Variants in SLC36A4 observed in about 807,000 individuals in gnomAD.
SLC36A4 encodes the protein solute carrier family 36 member 4.
A neutral mutation model predicts 50.5 loss-of-function variants in SLC36A4; 49 were observed. That is an observed-to-expected ratio of 0.97 (90% CI 0.77 to 1.23). SLC36A4 has a LOEUF of 1.23. Among genes scored for constraint, SLC36A4 ranks in the 50% most tolerant of loss-of-function variants. The probability of loss-of-function intolerance (pLI) is 0.00; values close to 1 mark genes in which losing one functional copy is unlikely to be tolerated. For synonymous variants in SLC36A4, 207 were observed against 206.5 expected (o/e 1.00, Z -0.02); for missense variants, 611 against 608.4 (o/e 1.00, Z -0.05).
chr11:93,167,202 G>A (rs1489192959), intron 7 of SLC36A4: 1 of 152,054 alleles, frequency 6.6e-6, no homozygotes, highest in African/African-American at 2.4e-5. Context: ...AATTGCTAAT[G>A]AAGATTTTAC....
chr11:93,144,459 T>C lies in SLC36A4; in HGVS notation c.*4078A>G, dbSNP rs1486008285. 6.6e-6 allele frequency: 1 copy of C among 152,056 alleles called. No individual in the cohort carries two copies. The highest frequency in any genetic ancestry group is 1.5e-5 in the Non-Finnish European group (1 of 67,976). 9.4% of individuals were successfully genotyped at this position (152,056 alleles called of 1,614,324 possible). A position where few individuals can be genotyped will look rare whatever the true frequency, so the allele number is the denominator to read the frequency against. ...TTTCTGGACCCAATTTAAATAGTAA[T>C]TTAGTATTAGTATCTAGTTCACATA... On this transcript the variant is annotated 3_prime_UTR_variant, in exon 11 of 11. Coordinates refer to ENST00000326402, the MANE Select transcript of SLC36A4 (RefSeq NM_152313.4).
At chr11:93,188,400 A>G (rs1456371271) in intron 1 of SLC36A4, among the ~76,000 whole-genome samples, 1 of 152,214 alleles carries the variant, frequency 6.6e-6, no homozygotes, top group Non-Finnish European at 1.5e-5. Context: ...TCTTCTTCTA[A>G]TAACGTAACT....
chr11:93,173,226 T>C (rs1236578362), intron 6 of SLC36A4, among the ~76,000 whole-genome samples: 1 of 150,350 alleles, frequency 6.7e-6, no homozygotes, highest in South Asian at 2.1e-4. Flanking sequence ...ATGTGTTTTT[T>C]GGCTGCATAA....
At chr11:93,149,937 CCTTT>C (rs10586053) in intron 10 of SLC36A4, among the ~76,000 whole-genome samples, 35,888 of 151,522 alleles carry the variant, frequency 0.24, 5,112 homozygotes, top group East Asian at 0.31. Flanking sequence ...TCTTTTACAC[CCTTT>C]CTGTCTAAAT....
chr11:93,172,440 T>C (rs1265825651), intron 6 of SLC36A4, among the ~76,000 whole-genome samples: 2 of 151,280 alleles, frequency 1.3e-5, no homozygotes, highest in East Asian at 3.9e-4. Flanking sequence ...GTCCACTGTA[T>C]CATTCTTTTT....
intron 6 of SLC36A4, among the ~76,000 whole-genome samples, chr11:93,169,827 T>C (rs953657326): frequency 6.6e-6 from 1 of 152,124 alleles, no homozygotes; most frequent in Non-Finnish European, 1.5e-5. Context: ...TGATTTAACA[T>C]TCTAGTAACT....
chr11:93,154,303 A>C (rs1162755615), intron 9 of SLC36A4, 26 bp from the exon 10 acceptor site: 1 of 1,216,374 alleles, frequency 8.2e-7, no homozygotes, highest in Non-Finnish European at 1.1e-6. Context: ...TTCAAAATTT[A>C]GTCATTTTTA....
At chr11:93,150,812 C>T (rs1230568863) in intron 10 of SLC36A4, among the ~76,000 whole-genome samples, 2 of 151,946 alleles carry the variant, frequency 1.3e-5, no homozygotes, top group Admixed American at 1.3e-4. Flanking sequence ...TTTGTTTCAC[C>T]TACTTATAGT....
chr11:93,153,257 G>C (rs1438879274), intron 10 of SLC36A4, among the ~76,000 whole-genome samples: 1 of 151,948 alleles, frequency 6.6e-6, no homozygotes, highest in Non-Finnish European at 1.5e-5. Flanking sequence ...TAGTAATCTG[G>C]TCCCTGGTAT....
intron 6 of SLC36A4, among the ~76,000 whole-genome samples, chr11:93,175,919 AT>A (rs1365545485): frequency 8.3e-6 from 1 of 120,200 alleles, no homozygotes; most frequent in African/African-American, 3.2e-5. Flanking sequence ...AAAAATGTAT[AT>A]TCTGTTGATT....
chr11:93,180,358 G>T, intron 6 of SLC36A4: 1 of 981,262 alleles, frequency 1.0e-6, no homozygotes, highest in Non-Finnish European at 1.2e-6. Flanking sequence ...TTCATTTTTG[G>T]ACACAGTGTC....
chr11:93,189,239 T>G (rs536924509), intron 1 of SLC36A4, among the ~76,000 whole-genome samples: 15 of 152,136 alleles, frequency 9.9e-5, no homozygotes, highest in Non-Finnish European at 1.8e-4. Flanking sequence ...AATTTTTGTA[T>G]TTTTAGTAGA....
intron 9 of SLC36A4, chr11:93,160,472 G>T: frequency 1.0e-6 from 1 of 985,356 alleles, no homozygotes; most frequent in South Asian, 4.7e-5. Context: ...TAATTGGAAA[G>T]TCACAGCAAT....
chr11:93,194,185 A>G (rs1489239015), intron 1 of SLC36A4, among the ~76,000 whole-genome samples: 1 of 152,168 alleles, frequency 6.6e-6, no homozygotes, highest in African/African-American at 2.4e-5. Context: ...TTGGATCATT[A>G]GTGTGCTTTT....
intron 6 of SLC36A4, among the ~76,000 whole-genome samples, chr11:93,176,151 ATT>A (rs1172514442): frequency 6.6e-6 from 1 of 151,452 alleles, no homozygotes; most frequent in Non-Finnish European, 1.5e-5. Context: ...GTGCATATAT[ATT>A]TAGGATAGTT....
chr11:93,176,748 C>A (rs942806608), intron 6 of SLC36A4, among the ~76,000 whole-genome samples: 2 of 152,142 alleles, frequency 1.3e-5, no homozygotes, highest in Non-Finnish European at 2.9e-5. Context: ...GTTGAAAATT[C>A]TTTTCTTTCA....
At chr11:93,197,542 G>A in intron 1 of SLC36A4, 1 of 544,092 alleles carries the variant, frequency 1.8e-6, no homozygotes, top group Non-Finnish European at 3.2e-6. Context: ...ACCCACACGC[G>A]CGCGCGCAAA....
intron 1 of SLC36A4, among the ~76,000 whole-genome samples, chr11:93,196,958 C>G (rs997458519): frequency 1.3e-5 from 2 of 152,168 alleles, no homozygotes; most frequent in Admixed American, 6.5e-5. Context: ...TTGTTTCTAC[C>G]ATTATTACGG....
chr11:93,150,564 T>C (rs987734817), intron 10 of SLC36A4, among the ~76,000 whole-genome samples: 15 of 152,018 alleles, frequency 9.9e-5, no homozygotes. Flanking sequence ...TTTACATCTA[T>C]AGGGCTGAAG....
Sources: allele counts gnomAD v4.1 joint callset (sites outside exome capture counted in the v4.1 genomes callset), GRCh38; gene constraint gnomAD v4.1.1; transcripts MANE v1.5; gene names NCBI Gene and HGNC (gene_info 2026-07-23, HGNC 2026-07-21).